The following NFIB variants were observed in gnomAD, a reference collection of about 807,000 sequenced individuals.
NFIB encodes the protein nuclear factor I B, also known as nuclear factor 1 B-type.
Under a neutral mutation model 61.5 loss-of-function variants are expected in NFIB, and 11 were observed. That is an observed-to-expected ratio of 0.18 (90% CI 0.11 to 0.30). NFIB has a LOEUF of 0.30. Among genes scored for constraint, NFIB ranks in the 10% least tolerant of loss-of-function variants. The probability of loss-of-function intolerance (pLI) is 1.00; values close to 1 mark genes in which losing one functional copy is unlikely to be tolerated. For synonymous variants in NFIB, 260 were observed against 216.5 expected (o/e 1.20, Z -1.76); for missense variants, 471 against 608.9 (o/e 0.77, Z 2.38).
At chr9:14,149,474 G>A (rs1307993963) in intron 5 of NFIB, among the ~76,000 whole-genome samples, 1 of 151,790 alleles carries the variant, frequency 6.6e-6, no homozygotes, top group East Asian at 1.9e-4. Context: ...TAACACATCT[G>A]TAATCTTTAT....
chr9:14,353,153 C>T (rs576517368), intron 1 of NFIB, among the ~76,000 whole-genome samples: 165 of 152,204 alleles, frequency 1.1e-3, no homozygotes, highest in African/African-American at 3.7e-3. Context: ...GGGTAGGTAG[C>T]TACTACCAAA....
chr9:14,393,313 G>A (rs2061647151), intron 1 of NFIB, among the ~76,000 whole-genome samples: 1 of 152,184 alleles, frequency 6.6e-6, no homozygotes, highest in South Asian at 2.1e-4. Context: ...TCACCATCTG[G>A]TGTCTGCTCA....
At chr9:14,225,759 C>G (rs1235240974) in intron 2 of NFIB, among the ~76,000 whole-genome samples, 2 of 152,094 alleles carry the variant, frequency 1.3e-5, no homozygotes, top group Non-Finnish European at 2.9e-5. Context: ...TACTGTAATT[C>G]TCCAGAAGAG....
At chr9:14,203,682 G>T (rs1048134708) in intron 2 of NFIB, among the ~76,000 whole-genome samples, 10 of 152,192 alleles carry the variant, frequency 6.6e-5, no homozygotes, top group African/African-American at 2.2e-4. Context: ...CCAAGGCAGG[G>T]TCTAAAGTCT....
chr9:14,421,084 C>CAAAA, the NFIB span, among the ~76,000 whole-genome samples: 183 of 135,796 alleles, frequency 1.3e-3, no homozygotes, highest in Non-Finnish European at 2.1e-3. Context: ...GGATCTTTGG[C>CAAAA]AAAAAAAAAA....
intron 2 of NFIB, among the ~76,000 whole-genome samples, chr9:14,245,799 G>T (rs1329405376): frequency 6.6e-6 from 1 of 151,998 alleles, no homozygotes; most frequent in Non-Finnish European, 1.5e-5. Flanking sequence ...CTTGAACCCG[G>T]GAGGCAGACA....
chr9:14,455,408 G>A, the NFIB span, among the ~76,000 whole-genome samples: 7 of 152,176 alleles, frequency 4.6e-5, no homozygotes, highest in African/African-American at 1.4e-4. Context: ...GTGGTATGTC[G>A]CAATAGCCAG....
chr9:14,294,006 A>T (rs1453780045), intron 2 of NFIB, among the ~76,000 whole-genome samples: 2 of 152,218 alleles, frequency 1.3e-5, no homozygotes, highest in African/African-American at 2.4e-5. Flanking sequence ...TCCTCCCATG[A>T]ACTCATCTTA....
intron 1 of NFIB, among the ~76,000 whole-genome samples, chr9:14,309,549 A>T (rs552967899): frequency 6.6e-6 from 1 of 152,328 alleles, no homozygotes; most frequent in East Asian, 1.9e-4. Context: ...TTCAGTTACT[A>T]TGCGAGCACA....
At chr9:14,463,076 C>T in the NFIB span, among the ~76,000 whole-genome samples, 48 of 151,614 alleles carry the variant, frequency 3.2e-4, no homozygotes, top group African/African-American at 1.1e-3. Context: ...TAATAATAAA[C>T]AACTATAACA....
At chr9:14,489,641 C>T in the NFIB span, among the ~76,000 whole-genome samples, 3 of 152,094 alleles carry the variant, frequency 2.0e-5, no homozygotes, top group Non-Finnish European at 4.4e-5. Flanking sequence ...GGGACAATCG[C>T]TATTCAAATT....
intron 2 of NFIB, among the ~76,000 whole-genome samples, chr9:14,232,821 T>C (rs1452108410): frequency 6.6e-6 from 1 of 152,246 alleles, no homozygotes; most frequent in Non-Finnish European, 1.5e-5. Flanking sequence ...AAATGTTTAT[T>C]TCAATTGTTT....
the NFIB span, among the ~76,000 whole-genome samples, chr9:14,417,823 C>G: frequency 6.8e-6 from 1 of 146,696 alleles, no homozygotes; most frequent in African/African-American, 2.6e-5. Context: ...TCTTGTTGCC[C>G]AGGCTGGAAT....
intron 1 of NFIB, among the ~76,000 whole-genome samples, chr9:14,347,648 T>C (rs910168495): frequency 6.6e-6 from 1 of 151,910 alleles, no homozygotes; most frequent in Non-Finnish European, 1.5e-5. Context: ...TCCAAGTCTC[T>C]TCGGTCAGGT....
intron 2 of NFIB, among the ~76,000 whole-genome samples, chr9:14,180,087 A>C (rs2046602727): frequency 1.3e-5 from 2 of 152,244 alleles, no homozygotes; most frequent in African/African-American, 4.8e-5. Context: ...GGTTAGGCAA[A>C]TATTGAGGCC....
chr9:14,301,230 A>T (rs1251024996), intron 2 of NFIB, among the ~76,000 whole-genome samples: 1 of 152,216 alleles, frequency 6.6e-6, no homozygotes, highest in Admixed American at 6.5e-5. Flanking sequence ...ATTCTTCAGG[A>T]GACCTGACCG....
At chr9:14,516,684 C>G in the NFIB span, among the ~76,000 whole-genome samples, 1 of 152,110 alleles carries the variant, frequency 6.6e-6, no homozygotes, top group Non-Finnish European at 1.5e-5. Flanking sequence ...AATATTAGGC[C>G]TTGTAAGAGA....
chr9:14,449,192 T>G, the NFIB span, among the ~76,000 whole-genome samples: 1 of 152,242 alleles, frequency 6.6e-6, no homozygotes, highest in Admixed American at 6.5e-5. Context: ...GTTGCTTCAA[T>G]GTTCAGAAGT....
chr9:14,205,540 G>A (rs983370385), intron 2 of NFIB, among the ~76,000 whole-genome samples: 3 of 151,932 alleles, frequency 2.0e-5, no homozygotes, highest in African/African-American at 7.3e-5. Context: ...TGCATAATGA[G>A]GTCAGTGGAT....
Sources: allele counts gnomAD v4.1 joint callset (sites outside exome capture counted in the v4.1 genomes callset), GRCh38; gene constraint gnomAD v4.1.1; transcripts MANE v1.5; gene names NCBI Gene and HGNC (gene_info 2026-07-23, HGNC 2026-07-21).